Variants in LRRC37A2 observed in about 807,000 individuals in gnomAD.
The protein encoded by LRRC37A2 is leucine-rich repeat-containing protein 37A2.
In LRRC37A2, 9 loss-of-function variants were observed where a neutral mutation model predicts 68.8. That is an observed-to-expected ratio of 0.13 (90% CI 0.08 to 0.23). The LOEUF (loss-of-function observed/expected upper bound fraction) is 0.23. LRRC37A2 is among the 10% of genes least tolerant of loss of function. The pLI is 1.00. For missense variants in LRRC37A2, 168 were observed against 950.4 expected (o/e 0.18, Z 10.82); for synonymous variants, 63 against 367.6 (o/e 0.17, Z 9.48).
At chr17:46,896,518 C>A in the LRRC37A2 span, among the ~76,000 whole-genome samples, 4 of 151,992 alleles carry the variant, frequency 2.6e-5, no homozygotes, top group Non-Finnish European at 4.4e-5. Flanking sequence ...TGCCTGTAAT[C>A]CCAGAACTTT....
At chr17:46,931,092 T>C in the LRRC37A2 span, 25 of 1,406,478 alleles carry the variant, frequency 1.8e-5, no homozygotes, top group Non-Finnish European at 2.5e-5. Flanking sequence ...TTTTCTTTTT[T>C]GTACAGTAGT....
chr17:46,861,489 C>T, the LRRC37A2 span, among the ~76,000 whole-genome samples: 2 of 152,186 alleles, frequency 1.3e-5, no homozygotes, highest in South Asian at 2.1e-4. Context: ...CACATACTAC[C>T]TCACCTAGGC....
chr17:46,810,520 T>C, the LRRC37A2 span, among the ~76,000 whole-genome samples: 2 of 152,328 alleles, frequency 1.3e-5, no homozygotes, highest in South Asian at 2.1e-4. Flanking sequence ...CCTGAAGCTC[T>C]TCACGGCCCT....
the LRRC37A2 span, chr17:47,027,502 AC>A: frequency 1.2e-6 from 1 of 828,646 alleles, no homozygotes; most frequent in African/African-American, 1.7e-5. Flanking sequence ...TATTATTCAT[AC>A]CAATCAACAT....
the LRRC37A2 span, among the ~76,000 whole-genome samples, chr17:46,703,680 C>CAAAAAAA: frequency 0.018 from 577 of 32,860 alleles, no homozygotes; most frequent in Non-Finnish European, 0.021. Context: ...GACTCCGTCT[C>CAAAAAAA]AAAAAAAAAA....
chr17:46,463,830 A>G, the LRRC37A2 span, among the ~76,000 whole-genome samples: 2 of 86,350 alleles, frequency 2.3e-5, no homozygotes, highest in Admixed American at 1.2e-4. Flanking sequence ...ACATAGATCG[A>G]CATGAATAAC....
chr17:46,781,455 T>A, the LRRC37A2 span, among the ~76,000 whole-genome samples: 1 of 148,230 alleles, frequency 6.7e-6, no homozygotes, highest in Non-Finnish European at 1.5e-5. Flanking sequence ...AGCTACAACA[T>A]AGAAGAAACT....
the LRRC37A2 span, among the ~76,000 whole-genome samples, chr17:46,489,569 T>TC: frequency 6.7e-6 from 1 of 149,008 alleles, no homozygotes; most frequent in Non-Finnish European, 1.5e-5. Context: ...CACTGCAACT[T>TC]CCACCTCCCT....
chr17:46,872,494 C>T, the LRRC37A2 span: 1 of 1,469,078 alleles, frequency 6.8e-7, no homozygotes, highest in Admixed American at 2.4e-5. Flanking sequence ...GCTCACCTGT[C>T]TCCCTCCTCT....
the LRRC37A2 span, chr17:46,949,097 C>A: frequency 6.6e-6 from 1 of 152,246 alleles, no homozygotes; most frequent in Non-Finnish European, 1.5e-5. Context: ...CTCACAGCCT[C>A]TGAGCATAAG....
chr17:46,493,326 G>T, the LRRC37A2 span, among the ~76,000 whole-genome samples: 1 of 100,458 alleles, frequency 1.0e-5, no homozygotes, highest in African/African-American at 4.1e-5. Flanking sequence ...CACCTGGCTA[G>T]TTTTTTTTTT....
chr17:46,770,423 G>A, the LRRC37A2 span, among the ~76,000 whole-genome samples: 6 of 152,164 alleles, frequency 3.9e-5, no homozygotes, highest in Non-Finnish European at 8.8e-5. Context: ...CCAAAGTCCA[G>A]AGACCACCCT....
chr17:46,972,320 C>T, the LRRC37A2 span, among the ~76,000 whole-genome samples: 1 of 152,200 alleles, frequency 6.6e-6, no homozygotes, highest in Non-Finnish European at 1.5e-5. Context: ...CTTCTTTCTC[C>T]TCCTCCTCCT....
At chr17:46,894,308 C>T in the LRRC37A2 span, among the ~76,000 whole-genome samples, 1 of 152,220 alleles carries the variant, frequency 6.6e-6, no homozygotes. Context: ...TTGACTGAGT[C>T]CCTTTCCTTC....
the LRRC37A2 span, among the ~76,000 whole-genome samples, chr17:46,742,195 A>C: frequency 2.0e-5 from 3 of 152,214 alleles, no homozygotes; most frequent in Non-Finnish European, 4.4e-5. Context: ...CGAAGCATAC[A>C]TGCCGTTCAT....
At chr17:47,018,210 CAGGAG>C in the LRRC37A2 span, 1 of 1,612,036 alleles carries the variant, frequency 6.2e-7, no homozygotes, top group African/African-American at 1.3e-5. Flanking sequence ...TGCAACCCAA[CAGGAG>C]GCCCCAATTG....
chr17:46,834,087 CGGG>C, the LRRC37A2 span, among the ~76,000 whole-genome samples: 1 of 152,094 alleles, frequency 6.6e-6, no homozygotes, highest in Non-Finnish European at 1.5e-5. Context: ...CTCAGCTACT[CGGG>C]AGGCTGAGGG....
At chr17:46,918,110 C>T in the LRRC37A2 span, among the ~76,000 whole-genome samples, 4,183 of 152,318 alleles carry the variant, frequency 0.027, 181 homozygotes, top group African/African-American at 0.097. Context: ...TACGGAATCT[C>T]GCTCTGTCGC....
chr17:46,783,060 A>G, the LRRC37A2 span, among the ~76,000 whole-genome samples: 1 of 152,084 alleles, frequency 6.6e-6, no homozygotes, highest in African/African-American at 2.4e-5. Flanking sequence ...GGGCTAGTTC[A>G]TTCTCTCAAC....
Sources: allele counts gnomAD v4.1 joint callset (sites outside exome capture counted in the v4.1 genomes callset), GRCh38; gene constraint gnomAD v4.1.1; transcripts MANE v1.5; gene names NCBI Gene and HGNC (gene_info 2026-07-23, HGNC 2026-07-21).